NTRK3: variants seen among roughly 807,000 people sequenced by gnomAD.
The protein encoded by NTRK3 is neurotrophic receptor tyrosine kinase 3.
Under a neutral mutation model 91.7 loss-of-function variants are expected in NTRK3, and 24 were observed. The observed-to-expected ratio is 0.26, with a 90% CI of 0.19 to 0.37. The LOEUF (loss-of-function observed/expected upper bound fraction) is 0.37. NTRK3 is among the 10% of genes least tolerant of loss of function. The pLI is 1.00. For missense variants in NTRK3, 880 were observed against 1,068.9 expected (o/e 0.82, Z 2.46); for synonymous variants, 483 against 404.0 (o/e 1.20, Z -2.34).
intron 13 of NTRK3, among the ~76,000 whole-genome samples, chr15:88,056,203 T>TATATATATATATA (rs554008074): frequency 5.0e-5 from 3 of 60,248 alleles, no homozygotes; most frequent in Non-Finnish European, 9.9e-5. Flanking sequence ...TATATATATA[T>TATATATATATATA]TTTTTTTTTA....
At chr15:88,099,443 T>C (rs983972679) in intron 13 of NTRK3, among the ~76,000 whole-genome samples, 2 of 152,180 alleles carry the variant, frequency 1.3e-5, no homozygotes, top group South Asian at 2.1e-4. Context: ...AAGACGTGTA[T>C]TATGAACAGG....
intron 3 of NTRK3, among the ~76,000 whole-genome samples, chr15:88,226,878 C>A (rs969790580): frequency 6.6e-6 from 1 of 152,260 alleles, no homozygotes; most frequent in Admixed American, 6.5e-5. Context: ...CCCCATTTTA[C>A]AGAGCAGCAA....
chr15:87,903,551 C>T (rs548275974), intron 17 of NTRK3, among the ~76,000 whole-genome samples: 1 of 152,316 alleles, frequency 6.6e-6, no homozygotes, highest in Admixed American at 6.5e-5. Context: ...CATCAGAAAG[C>T]AAAATGCTAA....
exon 19 of NTRK3, chr15:87,873,513 C>A (rs934575442): frequency 6.0e-5 from 14 of 231,736 alleles, no homozygotes; most frequent in African/African-American, 3.1e-4. Flanking sequence ...GAGAGACCAG[C>A]CTGGGTGCCC....
At chr15:88,148,367 T>C (rs539400180) in intron 5 of NTRK3, among the ~76,000 whole-genome samples, 2 of 152,350 alleles carry the variant, frequency 1.3e-5, no homozygotes, top group South Asian at 2.1e-4. Context: ...TGGAATCTTA[T>C]ATTCAAGTTA....
At chr15:87,982,406 G>A (rs938440221) in intron 14 of NTRK3, among the ~76,000 whole-genome samples, 6 of 152,136 alleles carry the variant, frequency 3.9e-5, no homozygotes, top group African/African-American at 1.4e-4. Context: ...CAAATCAAAG[G>A]CATTTCCAAA....
At chr15:87,909,885 C>A (rs151098037) in intron 17 of NTRK3, among the ~76,000 whole-genome samples, 171 of 152,320 alleles carry the variant, frequency 1.1e-3, no homozygotes, top group African/African-American at 4.0e-3. Context: ...AATGAATGAA[C>A]CCTGTTGGCA....
At chr15:87,943,610 C>A (rs1007355707) in intron 14 of NTRK3, among the ~76,000 whole-genome samples, 7 of 152,158 alleles carry the variant, frequency 4.6e-5, no homozygotes, top group African/African-American at 1.7e-4. Flanking sequence ...AATGGAGGAA[C>A]TTTAAAGAGA....
chr15:88,230,455 C>G (rs1394951103), intron 3 of NTRK3, among the ~76,000 whole-genome samples: 1 of 152,174 alleles, frequency 6.6e-6, no homozygotes, highest in African/African-American at 2.4e-5. Flanking sequence ...TGCCCCCTAA[C>G]AGGCAGGTAG....
In NTRK3 at chr15:87,955,825, G is replaced by A. The variant is rs192339219; in HGVS notation, c.1586-15072C>T. Reference sequence around the variant, plus strand: ...CAGGGCTCTCCCACTTATTTGCTGAGGGGTCACATGTTGGTTCAATCCTTT... The same window carrying A: ...CAGGGCTCTCCCACTTATTTGCTGAAGGGTCACATGTTGGTTCAATCCTTT... On this transcript the variant is annotated intron_variant, in intron 14 of 18. Transcript: ENST00000394480. Among the ~76,000 whole-genome samples the A allele has an allele frequency of 8.5e-5, 13 of 152,292 alleles. No homozygotes were observed. In the East Asian group the frequency reaches 1.9e-3, roughly 23 times the overall value.
chr15:87,907,596 A>C (rs1362883855), intron 17 of NTRK3, among the ~76,000 whole-genome samples: 1 of 152,170 alleles, frequency 6.6e-6, no homozygotes, highest in African/African-American at 2.4e-5. Context: ...ACGCCCTGTC[A>C]GTGTTAGGAA....
At chr15:88,072,190 G>C (rs1014341523) in intron 13 of NTRK3, among the ~76,000 whole-genome samples, 1 of 151,926 alleles carries the variant, frequency 6.6e-6, no homozygotes, top group East Asian at 1.9e-4. Context: ...ATTTTCAGTA[G>C]AGATGGGGTT....
chr15:88,104,519 A>G (rs1027300609), intron 13 of NTRK3, among the ~76,000 whole-genome samples: 1 of 152,134 alleles, frequency 6.6e-6, no homozygotes, highest in African/African-American at 2.4e-5. Context: ...CATCAGCACA[A>G]TGTTTTGACT....
At chr15:88,121,665 C>T (rs1053397387) in intron 13 of NTRK3, among the ~76,000 whole-genome samples, 10 of 152,194 alleles carry the variant, frequency 6.6e-5, no homozygotes, top group African/African-American at 2.2e-4. Context: ...CACCTCCCAA[C>T]CACCCTGGCC....
chr15:87,887,889 G>A (rs2065639593), intron 17 of NTRK3, among the ~76,000 whole-genome samples: 1 of 152,174 alleles, frequency 6.6e-6, no homozygotes, highest in Non-Finnish European at 1.5e-5. Context: ...AGTCACAGAT[G>A]AAGATAGGGT....
intron 5 of NTRK3, among the ~76,000 whole-genome samples, chr15:88,181,249 C>T (rs566439337): frequency 5.3e-5 from 8 of 152,190 alleles, no homozygotes; most frequent in African/African-American, 1.9e-4. Context: ...TTGGGTCCTC[C>T]TCCAACTAGG....
intron 15 of NTRK3, among the ~76,000 whole-genome samples, chr15:87,938,050 G>A (rs1321037552): frequency 1.3e-5 from 2 of 152,104 alleles, no homozygotes; most frequent in African/African-American, 4.8e-5. Context: ...TGAATGCTGT[G>A]TAAATGTTCT....
intron 13 of NTRK3, among the ~76,000 whole-genome samples, chr15:88,107,458 G>A (rs915334930): frequency 2.6e-5 from 4 of 152,134 alleles, no homozygotes; most frequent in African/African-American, 9.7e-5. Context: ...GAAAATCTAT[G>A]AAGTGCAAAA....
chr15:88,058,833 G>C (rs962130192), intron 13 of NTRK3, among the ~76,000 whole-genome samples: 2 of 152,156 alleles, frequency 1.3e-5, no homozygotes, highest in Non-Finnish European at 2.9e-5. Context: ...TGATGATGAT[G>C]ATAATTATCA....
Sources: gnomAD v4.1 joint callset for allele counts (sites outside exome capture counted in the v4.1 genomes callset) on GRCh38, gnomAD v4.1.1 for gene constraint, MANE v1.5 for transcripts, NCBI Gene and HGNC (gene_info 2026-07-23, HGNC 2026-07-21) for gene names.